Variants in ASZ1 observed in about 807,000 individuals in gnomAD.
ASZ1 encodes the protein ankyrin repeat, SAM and basic leucine zipper domain-containing protein 1.
ASZ1 carries 67 observed loss-of-function variants against 61.8 expected under a neutral mutation model. The observed-to-expected ratio is 1.08, with a 90% confidence interval of 0.89 to 1.33. The LOEUF (loss-of-function observed/expected upper bound fraction) is 1.33. Among genes scored for constraint, ASZ1 ranks in the 40% most tolerant of loss-of-function variants. The pLI, the probability that ASZ1 is intolerant of heterozygous loss-of-function variation, is 0.00. For synonymous variants in ASZ1, 193 were observed against 192.7 expected, an observed-to-expected ratio of 1.00 and a Z score of -0.01; for missense variants, 577 against 554.5, an observed-to-expected ratio of 1.04 and a Z score of -0.41.
At chr7:117,380,566 C>T (rs879675359) in intron 9 of ASZ1, among the ~76,000 whole-genome samples, 8 of 151,476 alleles carry the variant, frequency 5.3e-5, no homozygotes, top group Non-Finnish European at 1.2e-4. Context: ...TGCTATTTAT[C>T]AAAGTGTCTC....
Position 117,427,368 on chromosome 7 carries a change from G to T in ASZ1, c.93C>A (p.Asp31Glu), listed in dbSNP as rs1797243908. The change falls in exon 1 of 13, where the codon GAC becomes GAA. Residue 31 changes from aspartate to glutamate, a missense_variant. Physicochemically the swap from Asp to Glu is conservative, Grantham distance 45. Transcript: ENST00000284629. ...EDDGWEIGYLDRTSQKLKRLL... is the reference protein window; with the variant it reads ...EDDGWEIGYLERTSQKLKRLL... ...CCTCCTCCGCTACCTGAGACGTCCG[G>T]TCGAGATACCCAATCTCCCAGCCAT... The T allele has an allele frequency of 6.2e-7, 1 of 1,614,070 alleles. No homozygotes were observed.
intron 5 of ASZ1, 117 bp downstream of exon 5, chr7:117,385,581 T>C (rs535034081): frequency 4.6e-6 from 4 of 861,392 alleles, no homozygotes; most frequent in Admixed American, 2.6e-5. Context: ...TTGCTTTTTT[T>C]CACCAGATAG....
In ASZ1 at chr7:117,395,790, A is replaced by T. The variant is rs578224769; in HGVS notation, c.441-9981T>A. On this transcript the variant is annotated intron_variant, in intron 4 of 12. Transcript: ENST00000284629. ...CTTTTCCTAATAAAAAAGATGTAAT[A>T]GTTTAATTAGAGGCATAGTTCAATG... 2.6e-5 allele frequency among the ~76,000 whole-genome samples: 4 copies of T among 152,344 alleles called. No individual in the cohort carries two copies. The South Asian group carries it at 8.3e-4, about 32-fold the overall frequency.
At chr7:117,385,844 A>T in intron 4 of ASZ1, 35 bp from the exon 5 acceptor site, 1 of 1,484,234 alleles carries the variant, frequency 6.7e-7, no homozygotes, top group Non-Finnish European at 9.4e-7. Flanking sequence ...ATTTGTGTTA[A>T]TGCTGCCATT....
At position 117,422,303 on chromosome 7, in the gene ASZ1, T is replaced by C. The variant is rs1018641534; in HGVS notation, c.262A>G (p.Ser88Gly). ...CGAACCAGCTCTGCATTGGCAACAC[T>C]AGCAGCATACATAAGGGGAGTCCAT... The part of the protein sequence containing the change: ...YGWTPLMYAA[S>G]VANAELVRVL... The change falls in exon 3 of 13, where the codon AGT becomes GGT. Residue 88 changes from serine to glycine, a missense_variant. Ser to Gly is a moderately conservative substitution (Grantham distance 56, BLOSUM62 0). Coordinates refer to ENST00000284629, the MANE Select transcript of ASZ1 (RefSeq NM_130768.3). 1 of 1,613,748 alleles carries C rather than the reference T, an allele frequency of 6.2e-7. No homozygotes were observed. The highest frequency in any genetic ancestry group is 1.3e-5 in the African/African-American group (1 of 75,028).
intron 12 of ASZ1, among the ~76,000 whole-genome samples, chr7:117,365,332 G>T (rs1795913871): frequency 6.6e-6 from 1 of 152,094 alleles, no homozygotes; most frequent in Non-Finnish European, 1.5e-5. Context: ...AAAGAACAAT[G>T]AAAATTCTCT....
At chr7:117,419,859 C>G (rs1797066628) in intron 4 of ASZ1, among the ~76,000 whole-genome samples, 1 of 152,186 alleles carries the variant, frequency 6.6e-6, no homozygotes, top group African/African-American at 2.4e-5. Context: ...TTTACTCTTA[C>G]AGGTCAATCG....
intron 10 of ASZ1, among the ~76,000 whole-genome samples, chr7:117,379,162 T>TACACACAC (rs1360929671): frequency 6.1e-4 from 35 of 57,062 alleles, no homozygotes; most frequent in African/African-American, 3.8e-3. Flanking sequence ...TATATATATA[T>TACACACAC]ATATATACAC....
chr7:117,382,234 A>C, intron 7 of ASZ1, 90 bp from the exon 8 acceptor site: 1 of 805,762 alleles, frequency 1.2e-6, no homozygotes, highest in South Asian at 1.6e-5. Context: ...GAATATGAAT[A>C]ATAATGAATT....
At chr7:117,402,495 G>A (rs1796699125) in intron 4 of ASZ1, among the ~76,000 whole-genome samples, 1 of 152,100 alleles carries the variant, frequency 6.6e-6, no homozygotes, top group Non-Finnish European at 1.5e-5. Flanking sequence ...GAACCCTAAT[G>A]GCACACCCCT....
intron 10 of ASZ1, among the ~76,000 whole-genome samples, chr7:117,379,031 G>A (rs1025421884): frequency 2.0e-5 from 3 of 150,858 alleles, no homozygotes; most frequent in African/African-American, 7.3e-5. Flanking sequence ...GGTTGGGATG[G>A]GGAGAAGGTT....
At chr7:117,379,657 G>A (rs1357982853) in intron 10 of ASZ1, among the ~76,000 whole-genome samples, 2 of 151,672 alleles carry the variant, frequency 1.3e-5, no homozygotes, top group Non-Finnish European at 3.0e-5. Context: ...GCATGGGATT[G>A]TTTGTAAGGT....
chr7:117,365,007 T>C (rs1795907551), intron 12 of ASZ1, among the ~76,000 whole-genome samples: 1 of 151,432 alleles, frequency 6.6e-6, no homozygotes, highest in African/African-American at 2.4e-5. Flanking sequence ...TTATGTTTCT[T>C]AAAAAAAAAT....
At chr7:117,386,730 T>G (rs1307405230) in intron 4 of ASZ1, among the ~76,000 whole-genome samples, 1 of 152,188 alleles carries the variant, frequency 6.6e-6, no homozygotes, top group Non-Finnish European at 1.5e-5. Context: ...AACCTACCAA[T>G]AGACTATTTC....
intron 4 of ASZ1, among the ~76,000 whole-genome samples, chr7:117,401,980 GT>G (rs1047900247): frequency 1.3e-5 from 2 of 151,910 alleles, no homozygotes; most frequent in South Asian, 2.1e-4. Flanking sequence ...TTTTTATCAT[GT>G]TTTTTTTGAG....
At chr7:117,393,327 T>C (rs1796509113) in intron 4 of ASZ1, among the ~76,000 whole-genome samples, 1 of 152,232 alleles carries the variant, frequency 6.6e-6, no homozygotes, top group Admixed American at 6.5e-5. Flanking sequence ...TCTGTTTTTC[T>C]AAGAGATATA....
At chr7:117,395,187 A>G (rs1289028443) in intron 4 of ASZ1, among the ~76,000 whole-genome samples, 1 of 151,986 alleles carries the variant, frequency 6.6e-6, no homozygotes, top group Non-Finnish European at 1.5e-5. Context: ...TTGGCGAGCG[A>G]CTCTTTTTCC....
chr7:117,386,105 T>C (rs1424426034), intron 4 of ASZ1, among the ~76,000 whole-genome samples: 1 of 152,180 alleles, frequency 6.6e-6, no homozygotes, highest in African/African-American at 2.4e-5. Flanking sequence ...TACATATTCA[T>C]CTAGAAAATT....
At chr7:117,405,650 C>T (rs1306484744) in intron 4 of ASZ1, among the ~76,000 whole-genome samples, 1 of 152,212 alleles carries the variant, frequency 6.6e-6, no homozygotes, top group Non-Finnish European at 1.5e-5. Context: ...CTGATCGCAT[C>T]ATCTTGGTGC....
Sources: allele counts gnomAD v4.1 joint callset (sites outside exome capture counted in the v4.1 genomes callset), GRCh38; gene constraint gnomAD v4.1.1; transcripts MANE v1.5; gene names NCBI Gene and HGNC (gene_info 2026-07-23, HGNC 2026-07-21).